The following MTUS2 variants were observed in gnomAD, a reference collection of about 807,000 sequenced individuals.
MTUS2 encodes the protein microtubule associated scaffold protein 2.
Under a neutral mutation model 114.1 loss-of-function variants are expected in MTUS2, and 40 were observed. The ratio of observed to expected loss-of-function variants is 0.35; its 90% CI spans 0.27 to 0.46. MTUS2 has a LOEUF of 0.46. MTUS2 is among the 20% of genes least tolerant of loss of function. MTUS2 has a pLI of 1.00. For missense variants in MTUS2, 1,679 were observed against 1,705.4 expected (o/e 0.98, Z 0.27); for synonymous variants, 688 against 672.0 (o/e 1.02, Z -0.37).
rs565352320 is a variant in MTUS2, at chr13:28,908,486, G to A, written c.-243+68636G>A. Among the ~76,000 whole-genome samples the A allele has an allele frequency of 2.6e-5, 4 of 151,490 alleles. No individual in the cohort carries two copies. The South Asian group carries it at 6.3e-4, about 24-fold the overall frequency. On this transcript the variant is annotated intron_variant, in intron 2 of 15. Transcript: ENST00000612955. Reference sequence around the variant, plus strand: ...GGACATGAACTCATCATTTTTTATGGCTGCATAGTATTCCATGGTGTATAT... The same window carrying A: ...GGACATGAACTCATCATTTTTTATGACTGCATAGTATTCCATGGTGTATAT...
At chr13:29,253,592 T>G (rs1433412261) in intron 5 of MTUS2, among the ~76,000 whole-genome samples, 1 of 152,154 alleles carries the variant, frequency 6.6e-6, no homozygotes, top group East Asian at 1.9e-4. Context: ...TATTGAGTCC[T>G]TGCTATGGGA....
rs5802499 is a variant in MTUS2 at position 28,976,248 on chromosome 13, A to AATTAGAT, written c.-242-48209_-242-48208insATTAGAT. On this transcript the variant is annotated intron_variant, in intron 2 of 15. Transcript: ENST00000612955. ...AAGAAAAGAAGAAAAAAAGAATTAG[A>AATTAGAT]GAAATAAGATGGGAGGGTGTTCCAG... Among the ~76,000 whole-genome samples the AATTAGAT allele has an allele frequency of 1.8e-4, 26 of 148,036 alleles. No individual in the cohort carries two copies. The East Asian group carries it at 4.6e-3, about 26-fold the overall frequency.
At chr13:28,976,158 T>G (rs1884086227) in intron 2 of MTUS2, among the ~76,000 whole-genome samples, 1 of 143,724 alleles carries the variant, frequency 7.0e-6, no homozygotes, top group Admixed American at 7.1e-5. Context: ...GAGCCATGAT[T>G]GCACCACTGC....
At chr13:28,941,044 A>G (rs1048005344) in intron 2 of MTUS2, among the ~76,000 whole-genome samples, 1 of 149,824 alleles carries the variant, frequency 6.7e-6, no homozygotes, top group Admixed American at 6.8e-5. Context: ...CTAAATATGT[A>G]GGTAACTAAT....
chr13:29,389,295 G>A (rs183463540), intron 8 of MTUS2, among the ~76,000 whole-genome samples: 34 of 145,918 alleles, frequency 2.3e-4, no homozygotes, highest in African/African-American at 1.8e-4. Context: ...ACACATATGT[G>A]TGTATATGTG....
chr13:28,961,204 A>G (rs1883312084), intron 2 of MTUS2, among the ~76,000 whole-genome samples: 1 of 152,186 alleles, frequency 6.6e-6, no homozygotes, highest in South Asian at 2.1e-4. Flanking sequence ...TGGACTTAAA[A>G]ATTACTCAAA....
chr13:29,482,766 A>G (rs2138912872), intron 10 of MTUS2, among the ~76,000 whole-genome samples: 2 of 152,354 alleles, frequency 1.3e-5, no homozygotes, highest in Middle Eastern at 3.4e-3. Context: ...GTCAGAAATC[A>G]TATCTGAATG....
chr13:29,353,064 G>T (rs1869430125), intron 7 of MTUS2, among the ~76,000 whole-genome samples: 1 of 152,290 alleles, frequency 6.6e-6, no homozygotes, highest in East Asian at 1.9e-4. Flanking sequence ...TCAATTGATT[G>T]CATCTTCTCA....
intron 3 of MTUS2, among the ~76,000 whole-genome samples, chr13:29,029,704 C>T (rs1886726391): frequency 6.6e-6 from 1 of 152,288 alleles, no homozygotes; most frequent in East Asian, 1.9e-4. Flanking sequence ...CAGGCTGCTT[C>T]CACTCAAGGG....
intron 2 of MTUS2, among the ~76,000 whole-genome samples, chr13:28,860,114 G>A (rs1341818966): frequency 6.6e-6 from 1 of 152,220 alleles, no homozygotes; most frequent in Non-Finnish European, 1.5e-5. Flanking sequence ...TCTGCCATCT[G>A]CAGGGAGAGC....
chr13:28,841,633 C>T (rs1264292470), intron 2 of MTUS2, among the ~76,000 whole-genome samples: 1 of 151,670 alleles, frequency 6.6e-6, no homozygotes, highest in Admixed American at 6.6e-5. Context: ...CAAGGGGCCT[C>T]CTCTTTGTGG....
chr13:29,487,698 T>C (rs752272422), intron 10 of MTUS2: 67 of 593,224 alleles, frequency 1.1e-4, no homozygotes, highest in Non-Finnish European at 1.9e-4. Context: ...TGGACCCCCC[T>C]ACAAAGAGCC....
chr13:28,902,983 ATTAAACTC>A (rs1337981717), intron 2 of MTUS2, among the ~76,000 whole-genome samples: 7 of 152,148 alleles, frequency 4.6e-5, no homozygotes, highest in Non-Finnish European at 8.8e-5. Context: ...TACCTGATGA[ATTAAACTC>A]TTCAGTAGTT....
intron 2 of MTUS2, among the ~76,000 whole-genome samples, chr13:28,872,740 G>A (rs1041372108): frequency 6.6e-6 from 1 of 152,110 alleles, no homozygotes; most frequent in Non-Finnish European, 1.5e-5. Flanking sequence ...CTATTCATGA[G>A]GGATTTGCCT....
At chr13:29,115,594 A>G (rs535606724) in intron 5 of MTUS2, among the ~76,000 whole-genome samples, 1 of 152,364 alleles carries the variant, frequency 6.6e-6, no homozygotes, top group East Asian at 1.9e-4. Flanking sequence ...TAAATATTGT[A>G]AAGATTGTAT....
intron 5 of MTUS2, among the ~76,000 whole-genome samples, chr13:29,181,428 C>T (rs1893999908): frequency 6.6e-6 from 1 of 152,168 alleles, no homozygotes; most frequent in Admixed American, 6.5e-5. Context: ...TCACACTGGA[C>T]ACCAGCCTGG....
chr13:29,024,485 G>C lies in MTUS2; in HGVS notation c.-214G>C. ...TCATGGACTGATTGGCTCTCATTCA[G>C]CAGGAACCTAACAGATAAGTCTTCC... On this transcript the variant is annotated 5_prime_UTR_variant, in exon 3 of 16. Transcript: ENST00000612955. 3.5e-6 allele frequency: 2 copies of C among 576,026 alleles called. No homozygotes were observed. The highest frequency in any genetic ancestry group is 6.0e-6 in the Non-Finnish European group (2 of 331,340). The allele number at this position is 576,026 out of a possible 1,614,324, so 35.7% of individuals were successfully genotyped here. A position where few individuals can be genotyped will look rare whatever the true frequency, so the allele number is the denominator to read the frequency against.
chr13:29,318,432 C>T (rs1199460396), intron 6 of MTUS2, among the ~76,000 whole-genome samples: 3 of 140,212 alleles, frequency 2.1e-5, no homozygotes, highest in Non-Finnish European at 4.5e-5. Context: ...CAGAGTGAGC[C>T]GTTATTCTTG....
chr13:29,485,180 T>G (rs1240283701), intron 10 of MTUS2: 2 of 152,710 alleles, frequency 1.3e-5, no homozygotes, highest in African/African-American at 4.8e-5. Flanking sequence ...TTGGTGATCT[T>G]CAATGCATAG....
Sources: allele counts gnomAD v4.1 joint callset (sites outside exome capture counted in the v4.1 genomes callset), GRCh38; gene constraint gnomAD v4.1.1; transcripts MANE v1.5; gene names NCBI Gene and HGNC (gene_info 2026-07-23, HGNC 2026-07-21).